The following TTC13 variants were observed in gnomAD, a reference collection of about 807,000 sequenced individuals.
TTC13 encodes tetratricopeptide repeat protein 13.
TTC13 carries 62 observed loss-of-function variants against 120.0 expected under a neutral mutation model. The observed-to-expected ratio is 0.52, with a 90% CI of 0.42 to 0.64. TTC13 has a LOEUF of 0.64. Among genes scored for constraint, TTC13 ranks in the 30% least tolerant of loss-of-function variants. The pLI is 0.00. For synonymous variants in TTC13, 384 were observed against 393.5 expected, an observed-to-expected ratio of 0.98 and a Z score of 0.28; for missense variants, 824 against 1,050.2, an observed-to-expected ratio of 0.78 and a Z score of 2.98.
chr1:230,976,663 G>C (rs1371407180), intron 1 of TTC13, among the ~76,000 whole-genome samples: 1 of 152,028 alleles, frequency 6.6e-6, no homozygotes, highest in Admixed American at 6.6e-5. Flanking sequence ...TAAATTCCAA[G>C]CTAGAAAAAA....
intron 8 of TTC13, among the ~76,000 whole-genome samples, chr1:230,935,346 T>C (rs1673942286): frequency 6.6e-6 from 1 of 152,118 alleles, no homozygotes; most frequent in South Asian, 2.1e-4. Context: ...GTTATCGGAA[T>C]ACAAATTAAG....
At chr1:230,938,364 A>T (rs1160622700) in intron 8 of TTC13, among the ~76,000 whole-genome samples, 1 of 152,172 alleles carries the variant, frequency 6.6e-6, no homozygotes, top group Non-Finnish European at 1.5e-5. Flanking sequence ...TGAGAGAGGC[A>T]GCTCCCCGTC....
rs746933681 is a variant in TTC13, at chr1:230,911,553, G to GA, written c.2230-5dup. The GA allele has an allele frequency of 4.1e-5, 61 of 1,493,704 alleles. No individual in the cohort carries two copies. The highest frequency in any genetic ancestry group is 6.8e-5 in the Admixed American group (3 of 44,288). 92.5% of individuals were successfully genotyped at this position (1,493,704 alleles called of 1,614,324 possible). On this transcript the variant is annotated splice_region_variant and splice_polypyrimidine_tract_variant and intron_variant, in intron 19 of 22. Transcript: ENST00000366661. ...AGTTGCAGACAGCATCAGCCTCCTAGAAAAAAAAGATACAGACTCATAAAT... is the reference window on the plus strand; with the variant it reads ...AGTTGCAGACAGCATCAGCCTCCTAGAAAAAAAAAGATACAGACTCATAAAT...
intron 20 of TTC13, among the ~76,000 whole-genome samples, 153 bp from the exon 21 acceptor site, chr1:230,909,173 C>A (rs772963521): frequency 7.2e-5 from 11 of 152,176 alleles, no homozygotes; most frequent in Non-Finnish European, 1.2e-4. Flanking sequence ...TGAAAATATG[C>A]CTATTTGTTT....
Position 230,978,703 on chromosome 1 carries a change from G to A in TTC13, c.128C>T (p.Ala43Val), listed in dbSNP as rs1259717449. The A allele has an allele frequency of 4.7e-6, 7 of 1,494,086 alleles. No homozygotes were observed. Among genetic ancestry groups the A allele is most frequent in the Admixed American group, 2.2e-5 (1 of 45,586 alleles). The allele number at this position is 1,494,086 out of a possible 1,614,324, so 92.6% of individuals were successfully genotyped here. The change falls in exon 1 of 23, where the codon GCC (alanine) becomes GTC (valine). Residue 43 changes from alanine to valine, a missense_variant. Coordinates refer to ENST00000366661, the MANE Select transcript of TTC13 (RefSeq NM_024525.5). The surrounding 1 kb of genome is among the most constrained non-coding windows in gnomAD (Gnocchi z 5.6). The part of the protein sequence containing the change: ...GVLSAGLRPG[A>V]LATEHYSPLS... The stretch of plus-strand genomic sequence containing the variant: ...CGGCGAGTAGTGCTCGGTGGCCAGG[G>A]CGCCTGGCCGCAGCCCGGCGGACAG...
At chr1:230,972,750 T>C (rs60742881) in intron 1 of TTC13, among the ~76,000 whole-genome samples, 14,210 of 152,300 alleles carry the variant, frequency 0.093, 677 homozygotes, top group South Asian at 0.17. Flanking sequence ...TTTAGCAGTA[T>C]GTAGATCTTT....
intron 1 of TTC13, among the ~76,000 whole-genome samples, chr1:230,964,687 A>C (rs1676961817): frequency 6.6e-6 from 1 of 152,236 alleles, no homozygotes; most frequent in Non-Finnish European, 1.5e-5. Flanking sequence ...AGACATTAGG[A>C]TCTGTTTCTA....
intron 11 of TTC13, among the ~76,000 whole-genome samples, chr1:230,930,053 ACTT>A (rs1673402911): frequency 1.3e-5 from 2 of 152,224 alleles, no homozygotes; most frequent in Admixed American, 1.3e-4. Context: ...TCATCAGAAA[ACTT>A]CAGTGCATGT....
At chr1:230,909,279 G>A (rs1350316579) in intron 20 of TTC13, among the ~76,000 whole-genome samples, 5 of 152,084 alleles carry the variant, frequency 3.3e-5, no homozygotes, top group Admixed American at 6.5e-5. Flanking sequence ...CAAGGTGGGC[G>A]GATCGCTTGA....
chr1:230,968,779 CA>C (rs1172889330), intron 1 of TTC13, among the ~76,000 whole-genome samples: 5 of 152,112 alleles, frequency 3.3e-5, no homozygotes, highest in Non-Finnish European at 5.9e-5. Context: ...TCAACGGAAA[CA>C]AGGAGTTTAA....
In TTC13 at chr1:230,940,694, T is replaced by C. The variant is rs1674456234; in HGVS notation, c.673-138A>G. 2 of 610,076 alleles carry C rather than the reference T, an allele frequency of 3.3e-6. No individual in the cohort carries two copies. The allele number at this position is 610,076 out of a possible 1,614,324, so 37.8% of individuals were successfully genotyped here. A position where few individuals can be genotyped will look rare whatever the true frequency, so the allele number is the denominator to read the frequency against. On this transcript the variant is annotated intron_variant, in intron 6 of 22. Transcript: ENST00000366661. The surrounding 1 kb of genome is among the most constrained non-coding windows in gnomAD (Gnocchi z 4.1). ...GCAGGCTGCAATCCTTGACCCCCTATATTATGCGGTGGGGTTCAAAGTCAA... is the reference window on the plus strand; with the variant it reads ...GCAGGCTGCAATCCTTGACCCCCTACATTATGCGGTGGGGTTCAAAGTCAA...
intron 1 of TTC13, among the ~76,000 whole-genome samples, chr1:230,974,991 C>T (rs1572316183): frequency 6.6e-6 from 1 of 152,178 alleles, no homozygotes; most frequent in Non-Finnish European, 1.5e-5. Flanking sequence ...CTGAAGATAA[C>T]ACACAAATGG....
At chr1:230,967,763 CATAA>C (rs1223374778) in intron 1 of TTC13, among the ~76,000 whole-genome samples, 3 of 152,120 alleles carry the variant, frequency 2.0e-5, no homozygotes, top group Non-Finnish European at 4.4e-5. Flanking sequence ...ACTTTACTAT[CATAA>C]ATGATTATAT....
rs576830299 is a variant in TTC13 at position 230,931,673 on chromosome 1, T to G, written c.1125+63A>C. 4.6e-5 allele frequency: 73 copies of G among 1,584,254 alleles called. No individual in the cohort carries two copies. The Middle Eastern group carries it at 5.2e-4, about 11-fold the overall frequency. On this transcript the variant is annotated intron_variant, in intron 10 of 22. Coordinates refer to ENST00000366661, the MANE Select transcript of TTC13 (RefSeq NM_024525.5). ...AGTCCCCCTTCTCTATTCATTTCACTAAACTTCAATGAAGAATAATCCAGT... is the reference window on the plus strand; with the variant it reads ...AGTCCCCCTTCTCTATTCATTTCACGAAACTTCAATGAAGAATAATCCAGT...
intron 1 of TTC13, among the ~76,000 whole-genome samples, chr1:230,972,529 T>C (rs58720127): frequency 0.036 from 5,529 of 152,292 alleles, 263 homozygotes; most frequent in African/African-American, 0.11. Context: ...AAACAACTCA[T>C]TGTGAAAGGG....
chr1:230,967,176 T>C (rs1335136019), intron 1 of TTC13, among the ~76,000 whole-genome samples: 1 of 151,748 alleles, frequency 6.6e-6, no homozygotes, highest in African/African-American at 2.4e-5. Context: ...AGCACCTTAT[T>C]ATACTAGATG....
chr1:230,967,498 C>A (rs899547929), intron 1 of TTC13, among the ~76,000 whole-genome samples: 11 of 151,982 alleles, frequency 7.2e-5, no homozygotes, highest in Admixed American at 6.6e-4. Flanking sequence ...TGATTTTTCT[C>A]CTTTGGCCTA....
intron 3 of TTC13, among the ~76,000 whole-genome samples, chr1:230,956,822 G>A (rs1383871005): frequency 2.0e-5 from 3 of 152,134 alleles, no homozygotes; most frequent in African/African-American, 7.2e-5. Context: ...TTTGTTGTAG[G>A]AGTCTAAAGA....
chr1:230,931,012 A>T (rs1288129266), intron 11 of TTC13, among the ~76,000 whole-genome samples: 4 of 152,244 alleles, frequency 2.6e-5, no homozygotes, highest in Non-Finnish European at 1.5e-5. Flanking sequence ...CAAATATTCC[A>T]GATGCTTGTC....
Sources: allele counts gnomAD v4.1 joint callset (sites outside exome capture counted in the v4.1 genomes callset), GRCh38; gene constraint gnomAD v4.1.1; non-coding constraint Gnocchi (gnomAD v3.1); transcripts MANE v1.5; gene names NCBI Gene and HGNC (gene_info 2026-07-23, HGNC 2026-07-21).